The following OSBP2 variants were observed in gnomAD, a reference collection of about 807,000 sequenced individuals.
OSBP2 encodes the protein oxysterol binding protein 2, also known as oxysterol-binding protein 2.
In OSBP2, 66 loss-of-function variants were observed where a neutral mutation model predicts 96.0. The ratio of observed to expected loss-of-function variants is 0.69; its 90% CI spans 0.56 to 0.84. The LOEUF is 0.84. OSBP2 is among the 40% of genes least tolerant of loss of function. The pLI, the probability that OSBP2 is intolerant of heterozygous loss-of-function variation, is 0.00. For synonymous variants in OSBP2, 525 were observed against 520.9 expected (o/e 1.01, Z -0.11); for missense variants, 1,038 against 1,222.7 (o/e 0.85, Z 2.25).
At chr22:30,874,610 C>G (rs988826339) in intron 3 of OSBP2, among the ~76,000 whole-genome samples, 8 of 152,190 alleles carry the variant, frequency 5.3e-5, no homozygotes, top group African/African-American at 1.9e-4. Flanking sequence ...CCGTCTGGTC[C>G]TCGCAGGGCG....
In OSBP2 at chr22:30,887,606, AG is replaced by A; in HGVS notation, c.1289del (p.Ser430ThrfsTer8). On this transcript the variant is annotated frameshift_variant, in exon 4 of 14. Transcript: ENST00000332585. LOFTEE classifies it high-confidence loss of function. ...TGGCCGGCCGGCCAACCCCTCCAAG[AG>A]CTTCATTGAGGGTGAGTGGGCAGCC... ...APGRPANPSK[S>X]FIEGSLLTPK... is the part of the protein sequence containing the mutation. 1 of 1,599,804 alleles carries A rather than the reference AG, an allele frequency of 6.3e-7. No homozygotes were observed.
chr22:30,709,707 T>A (rs136392), intron 1 of OSBP2, among the ~76,000 whole-genome samples: 104,575 of 146,770 alleles, frequency 0.71, 36,752 homozygotes, highest in East Asian at 0.92. Context: ...TTAAAAAAAA[T>A]TTTTTTTTTT....
At chr22:30,887,302 A>G (rs2039833274) in intron 3 of OSBP2, 124 bp from the exon 4 acceptor site, 2 of 735,848 alleles carry the variant, frequency 2.7e-6, no homozygotes, top group South Asian at 1.7e-5. Flanking sequence ...AATGCAGCCC[A>G]GTAGGTTTCA....
chr22:30,846,316 T>A (rs909465370), intron 2 of OSBP2, among the ~76,000 whole-genome samples: 3 of 151,956 alleles, frequency 2.0e-5, no homozygotes, highest in Non-Finnish European at 2.9e-5. Context: ...CTGGCCAATT[T>A]TTGTATTTTT....
At chr22:30,820,946 A>C (rs1278976148) in intron 2 of OSBP2, among the ~76,000 whole-genome samples, 1 of 152,220 alleles carries the variant, frequency 6.6e-6, no homozygotes, top group Non-Finnish European at 1.5e-5. Context: ...GGTCTATTAG[A>C]TGTTAAAAGA....
At chr22:30,876,497 T>C (rs979760734) in intron 3 of OSBP2, among the ~76,000 whole-genome samples, 1 of 152,290 alleles carries the variant, frequency 6.6e-6, no homozygotes, top group East Asian at 1.9e-4. Context: ...CTTTCAGCCA[T>C]GAGAGAGAAA....
At chr22:30,822,057 TGGTGGCCAGGTGTCTGCA>T (rs1364673374) in intron 2 of OSBP2, among the ~76,000 whole-genome samples, 2 of 152,192 alleles carry the variant, frequency 1.3e-5, no homozygotes, top group African/African-American at 2.4e-5. Context: ...TCTTCCTGCA[TGGTGGCCAGGTGTCTGCA>T]GGTGGCCAGA....
intron 2 of OSBP2, among the ~76,000 whole-genome samples, chr22:30,802,880 G>A (rs144038516): frequency 8.5e-4 from 130 of 152,350 alleles, no homozygotes; most frequent in African/African-American, 2.8e-3. Context: ...GGCGGAGCGG[G>A]CGCACGGCTC....
Position 30,870,766 on chromosome 22 carries a change from G to A in OSBP2, c.1107+84G>A, listed in dbSNP as rs1602389935. On this transcript the variant is annotated intron_variant, in intron 3 of 13. Coordinates refer to ENST00000332585, the MANE Select transcript of OSBP2 (RefSeq NM_030758.4). This position sits in a 1 kb window ranked among gnomAD's most constrained non-coding sequence, Gnocchi z 4.1. Reference sequence around the variant, plus strand: ...CTCGGTGGGTGACCAGGGTCAGCTTGAAGGGTCAGCGTTCCATTTCCTGCG... The same window carrying A: ...CTCGGTGGGTGACCAGGGTCAGCTTAAAGGGTCAGCGTTCCATTTCCTGCG... 7.0e-6 allele frequency: 10 copies of A among 1,437,528 alleles called. No individual in the cohort carries two copies. The highest frequency in any genetic ancestry group is 2.3e-5 in the East Asian group (1 of 43,694). The allele number at this position is 1,437,528 out of a possible 1,614,324, so 89.0% of individuals were successfully genotyped here. A position where few individuals can be genotyped will look rare whatever the true frequency, so the allele number is the denominator to read the frequency against.
chr22:30,863,374 C>T (rs537285431), intron 2 of OSBP2, among the ~76,000 whole-genome samples: 4 of 152,248 alleles, frequency 2.6e-5, no homozygotes, highest in East Asian at 3.9e-4. Flanking sequence ...AGTTTTCTGG[C>T]GAGGGTGCAG....
intron 1 of OSBP2, among the ~76,000 whole-genome samples, chr22:30,715,000 C>G (rs573143998): frequency 1.4e-4 from 22 of 152,152 alleles, no homozygotes; most frequent in Admixed American, 3.3e-4. Context: ...TTAGGAATCT[C>G]CATACTGTTT....
chr22:30,725,263 G>C (rs1166394590), intron 1 of OSBP2, among the ~76,000 whole-genome samples: 2 of 151,678 alleles, frequency 1.3e-5, no homozygotes, highest in African/African-American at 4.8e-5. Context: ...CCAGCACTTT[G>C]GGAGGCCAAG....
chr22:30,826,532 C>T (rs1251274534), intron 2 of OSBP2, among the ~76,000 whole-genome samples: 2 of 152,186 alleles, frequency 1.3e-5, no homozygotes, highest in East Asian at 1.9e-4. Context: ...TGGAGGTGCC[C>T]CCTCCTTCGG....
chr22:30,858,296 G>A (rs563099988), intron 2 of OSBP2, among the ~76,000 whole-genome samples: 132 of 151,048 alleles, frequency 8.7e-4, no homozygotes, highest in Middle Eastern at 6.8e-3. Context: ...ACAGGCGCCC[G>A]CCACCGCGCC....
At chr22:30,778,303 GCA>G (rs34574171) in intron 2 of OSBP2, among the ~76,000 whole-genome samples, 8,864 of 146,314 alleles carry the variant, frequency 0.061, 602 homozygotes, top group African/African-American at 0.17. Context: ...GTGTGCATGT[GCA>G]CACACACACA....
chr22:30,701,344 C>CTTTTT (rs1228654999), intron 1 of OSBP2, among the ~76,000 whole-genome samples: 27 of 127,960 alleles, frequency 2.1e-4, no homozygotes, highest in South Asian at 2.5e-4. Flanking sequence ...TTTTTCTTTT[C>CTTTTT]TTTTTTTTTT....
At chr22:30,836,201 A>G (rs1174916402) in intron 2 of OSBP2, among the ~76,000 whole-genome samples, 2 of 152,148 alleles carry the variant, frequency 1.3e-5, no homozygotes, top group African/African-American at 4.8e-5. Flanking sequence ...CTTTAGTACC[A>G]CAGTACCTTA....
intron 1 of OSBP2, among the ~76,000 whole-genome samples, chr22:30,731,071 G>A (rs1241464794): frequency 1.3e-5 from 2 of 151,694 alleles, no homozygotes; most frequent in African/African-American, 2.4e-5. Context: ...CTACTCGGGA[G>A]GCTGAGGGAG....
intron 2 of OSBP2, among the ~76,000 whole-genome samples, chr22:30,806,280 T>C (rs1569131558): frequency 6.6e-6 from 1 of 152,128 alleles, no homozygotes; most frequent in Non-Finnish European, 1.5e-5. Context: ...CACCCCAATC[T>C]CCAGGCTCAC....
Sources: allele counts gnomAD v4.1 joint callset (sites outside exome capture counted in the v4.1 genomes callset), GRCh38; gene constraint gnomAD v4.1.1; non-coding constraint Gnocchi (gnomAD v3.1); transcripts MANE v1.5; gene names NCBI Gene and HGNC (gene_info 2026-07-23, HGNC 2026-07-21).